Variants in ELOVL6 observed in about 807,000 individuals in gnomAD.
ELOVL6 encodes very long chain fatty acid elongase 6.
A neutral mutation model predicts 31.7 loss-of-function variants in ELOVL6; 8 were observed. That is an observed-to-expected ratio of 0.25 (90% CI 0.15 to 0.45). The LOEUF is 0.45. Ranked by LOEUF, ELOVL6 falls within the 20% of genes least tolerant of loss-of-function variation. The pLI is 1.00. For missense variants in ELOVL6, 126 were observed against 326.4 expected, an observed-to-expected ratio of 0.39 and a Z score of 4.73; for synonymous variants, 101 against 117.7, an observed-to-expected ratio of 0.86 and a Z score of 0.92.
In ELOVL6 at chr4:110,051,626, G is replaced by A; in HGVS notation, c.510C>T (p.Asn170=). The change falls in exon 4 of 4, where the codon AAC becomes AAT. Residue 170 remains asparagine (N), a synonymous_variant. Coordinates refer to ENST00000302274, the MANE Select transcript of ELOVL6 (RefSeq NM_024090.3). The surrounding 1 kb of genome is among the most constrained non-coding windows in gnomAD (Gnocchi z 4.8). ...AGTACATCACGGCGTGCACGCCATA[G>A]TTCATAGTCATGAACCAACCTCCCC... ...VAGGGWFMTM[N]YGVHAVMYSY... is the part of the protein sequence containing the mutation. The A allele has an allele frequency of 3.7e-6, 6 of 1,614,206 alleles. No homozygotes were observed. The highest frequency in any genetic ancestry group is 5.1e-6 in the Non-Finnish European group (6 of 1,180,034).
Position 110,084,152 on chromosome 4 carries a change from T to C in ELOVL6, c.221+21345A>G, listed in dbSNP as rs1384476123. 9.0e-5 allele frequency among the ~76,000 whole-genome samples: 10 copies of C among 111,100 alleles called. 2 individuals are homozygous for C. The highest frequency in any genetic ancestry group is 3.0e-4 in the Admixed American group (3 of 10,142). 72.9% of individuals were successfully genotyped at this position (111,100 alleles called of 152,430 possible). On this transcript the variant is annotated intron_variant, in intron 2 of 3. Transcript: ENST00000302274. ...ATGTGATAATGATATATATGATATA[T>C]ATAACATATATGTGATATATATGAT...
At chr4:110,069,045 G>C (rs1755387112) in intron 2 of ELOVL6, among the ~76,000 whole-genome samples, 1 of 151,760 alleles carries the variant, frequency 6.6e-6, no homozygotes, top group Non-Finnish European at 1.5e-5. Flanking sequence ...GGAGGCTGAG[G>C]CTGGAACCTG....
intron 1 of ELOVL6, among the ~76,000 whole-genome samples, chr4:110,179,273 G>A (rs1006110472): frequency 4.6e-5 from 7 of 152,294 alleles, no homozygotes; most frequent in Non-Finnish European, 7.3e-5. Flanking sequence ...AGGAGGCTGA[G>A]GTGGATGGAT....
At chr4:110,061,222 C>T (rs1755127856) in intron 2 of ELOVL6, among the ~76,000 whole-genome samples, 3 of 152,224 alleles carry the variant, frequency 2.0e-5, no homozygotes, top group African/African-American at 7.2e-5. Flanking sequence ...CCTCTCTGCA[C>T]TGCCTCTCTC....
intron 2 of ELOVL6, among the ~76,000 whole-genome samples, chr4:110,097,068 G>A (rs1756599465): frequency 6.6e-6 from 1 of 152,076 alleles, no homozygotes; most frequent in Non-Finnish European, 1.5e-5. Context: ...AGCACTTTGG[G>A]AGGCCGAGGT....
At chr4:110,160,473 G>T (rs7675710) in intron 1 of ELOVL6, among the ~76,000 whole-genome samples, 2,331 of 152,154 alleles carry the variant, frequency 0.015, 55 homozygotes, top group African/African-American at 0.053. Flanking sequence ...TTGGTCTATG[G>T]TCTATCTCTT....
chr4:110,149,800 G>C (rs1427458534), intron 1 of ELOVL6, among the ~76,000 whole-genome samples: 2 of 152,112 alleles, frequency 1.3e-5, no homozygotes, highest in Non-Finnish European at 2.9e-5. Flanking sequence ...TGCCTACATA[G>C]AAAAATCTCC....
intron 1 of ELOVL6, chr4:110,117,903 A>AAAAAAAAAATATAT: frequency 7.7e-4 from 5 of 6,502 alleles, no homozygotes; most frequent in Non-Finnish European, 1.1e-3. Flanking sequence ...AAAAAAAAAA[A>AAAAAAAAAATATAT]ATATATATAT....
chr4:110,097,796 GAAAAA>G (rs11284609), intron 2 of ELOVL6, among the ~76,000 whole-genome samples: 1,490 of 138,778 alleles, frequency 0.011, 23 homozygotes, highest in African/African-American at 0.034. Context: ...TCTGCCTTCA[GAAAAA>G]AAAAAAAAGG....
At chr4:110,175,080 A>G (rs1013816981) in intron 1 of ELOVL6, among the ~76,000 whole-genome samples, 1 of 152,014 alleles carries the variant, frequency 6.6e-6, no homozygotes, top group Admixed American at 6.6e-5. Flanking sequence ...TTGGGCTCAT[A>G]TACAATCAAG....
chr4:110,120,749 T>C (rs1757324719), intron 1 of ELOVL6, among the ~76,000 whole-genome samples: 1 of 151,992 alleles, frequency 6.6e-6, no homozygotes, highest in Non-Finnish European at 1.5e-5. Flanking sequence ...CTACATTGTA[T>C]ACCAGGAATG....
intron 2 of ELOVL6, among the ~76,000 whole-genome samples, chr4:110,096,306 A>G (rs968837227): frequency 2.6e-5 from 4 of 152,172 alleles, no homozygotes; most frequent in African/African-American, 4.8e-5. Flanking sequence ...ATTCCATCTT[A>G]CTTTTAAAAG....
At chr4:110,154,644 A>G (rs1758365393) in intron 1 of ELOVL6, among the ~76,000 whole-genome samples, 1 of 152,234 alleles carries the variant, frequency 6.6e-6, no homozygotes, top group Non-Finnish European at 1.5e-5. Flanking sequence ...GCCTCTCAGC[A>G]AAGTTATTTT....
At chr4:110,180,843 A>G (rs1759251125) in intron 1 of ELOVL6, among the ~76,000 whole-genome samples, 1 of 152,204 alleles carries the variant, frequency 6.6e-6, no homozygotes, top group South Asian at 2.1e-4. Context: ...ATTTTTAAAA[A>G]CTATATTCCA....
chr4:110,128,152 T>C (rs2126256356), intron 1 of ELOVL6, among the ~76,000 whole-genome samples: 1 of 151,702 alleles, frequency 6.6e-6, no homozygotes, highest in East Asian at 1.9e-4. Flanking sequence ...ACAGGACGAG[T>C]ATAAGCCTGG....
intron 1 of ELOVL6, among the ~76,000 whole-genome samples, chr4:110,186,647 T>G (rs1372561547): frequency 9.9e-5 from 15 of 150,768 alleles, no homozygotes; most frequent in Admixed American, 2.0e-4. Flanking sequence ...CTACTAAAAA[T>G]ACAAAAATGA....
upstream of ELOVL6, chr4:110,199,010 A>G (rs3813829): frequency 0.33 from 50,740 of 151,814 alleles, 8,686 homozygotes; most frequent in African/African-American, 0.37. Context: ...TGAAGGGAAT[A>G]CGCTTCCCAC....
chr4:110,066,140 A>T (rs1755292605), intron 2 of ELOVL6, among the ~76,000 whole-genome samples: 1 of 152,222 alleles, frequency 6.6e-6, no homozygotes, highest in Non-Finnish European at 1.5e-5. Context: ...CAACAGCAGC[A>T]ACTCTTTATT....
intron 1 of ELOVL6, among the ~76,000 whole-genome samples, chr4:110,148,719 C>A (rs939185824): frequency 3.3e-5 from 5 of 151,516 alleles, no homozygotes; most frequent in Non-Finnish European, 7.4e-5. Flanking sequence ...ACACTGCATG[C>A]CTGTATCAAA....
Sources: gnomAD v4.1 joint callset for allele counts (sites outside exome capture counted in the v4.1 genomes callset) on GRCh38, gnomAD v4.1.1 for gene constraint, Gnocchi (gnomAD v3.1) non-coding constraint, MANE v1.5 for transcripts, NCBI Gene and HGNC (gene_info 2026-07-23, HGNC 2026-07-21) for gene names.